TMTC1: variants seen among roughly 807,000 people sequenced by gnomAD.
TMTC1 encodes transmembrane O-mannosyltransferase targeting cadherins 1, also known as protein O-mannosyl-transferase TMTC1.
A neutral mutation model predicts 104.8 loss-of-function variants in TMTC1; 73 were observed. The ratio of observed to expected loss-of-function variants is 0.70; its 90% CI spans 0.58 to 0.85. TMTC1 has a LOEUF of 0.85. Ranked by LOEUF, TMTC1 falls within the 40% of genes least tolerant of loss-of-function variation. The probability of loss-of-function intolerance (pLI) is 0.00; values close to 1 mark genes in which losing one functional copy is unlikely to be tolerated. For missense variants in TMTC1, 1,035 were observed against 1,096.1 expected, an observed-to-expected ratio of 0.94 and a Z score of 0.79; for synonymous variants, 434 against 428.7, an observed-to-expected ratio of 1.01 and a Z score of -0.15.
At chr12:29,678,939 A>C (rs972963850) in intron 5 of TMTC1, among the ~76,000 whole-genome samples, 1 of 152,184 alleles carries the variant, frequency 6.6e-6, no homozygotes, top group Non-Finnish European at 1.5e-5. Flanking sequence ...CATACATCAA[A>C]ACCTAAAACA....
At chr12:29,509,531 G>A (rs1277416649) in intron 17 of TMTC1, among the ~76,000 whole-genome samples, 1 of 152,152 alleles carries the variant, frequency 6.6e-6, no homozygotes, top group African/African-American at 2.4e-5. Flanking sequence ...CACATGACCT[G>A]GCAATGGAAA....
intron 5 of TMTC1, among the ~76,000 whole-genome samples, chr12:29,730,092 G>T (rs1255866574): frequency 6.6e-6 from 1 of 152,128 alleles, no homozygotes; most frequent in African/African-American, 2.4e-5. Flanking sequence ...TTGCAGAAGG[G>T]TGCAGTTGAA....
intron 10 of TMTC1, among the ~76,000 whole-genome samples, chr12:29,536,825 A>G (rs1348098110): frequency 6.6e-6 from 1 of 152,224 alleles, no homozygotes. Context: ...AAAATATTCC[A>G]TAAATAATTT....
Position 29,633,204 on chromosome 12 carries a change from G to C in TMTC1, c.1071C>G (p.Thr357=), listed in dbSNP as rs781475720. 11 of 1,614,036 alleles carry C rather than the reference G, an allele frequency of 6.8e-6. No individual in the cohort carries two copies. The East Asian group carries it at 2.0e-4, about 29-fold the overall frequency. The change falls in exon 6 of 18, where the codon ACC becomes ACG. Residue 357 remains threonine (T), a synonymous_variant. Coordinates refer to ENST00000539277, the MANE Select transcript of TMTC1 (RefSeq NM_001193451.2). The stretch of plus-strand genomic sequence containing the variant: ...AGGCCATCACAACCGCCAGAAAGAT[G>C]GTGGCTAAGTTCCGCATGTCCCATA... ...ETIWDMRNLA[T]IFLAVVMALL...
At chr12:29,509,235 C>A (rs1027612146) in intron 17 of TMTC1, among the ~76,000 whole-genome samples, 1 of 152,164 alleles carries the variant, frequency 6.6e-6, no homozygotes, top group Admixed American at 6.5e-5. Context: ...TGTGCTATAG[C>A]CTGGTTGATG....
At position 29,742,230 on chromosome 12, in the gene TMTC1, T is replaced by C. The variant is rs1197186086; in HGVS notation, c.938+9436A>G. Among the ~76,000 whole-genome samples, 4 of 152,220 alleles carry C rather than the reference T, an allele frequency of 2.6e-5. No individual in the cohort carries two copies. In the East Asian group the frequency reaches 7.7e-4, roughly 29 times the overall value. On this transcript the variant is annotated intron_variant, in intron 5 of 17. Coordinates refer to ENST00000539277, the MANE Select transcript of TMTC1 (RefSeq NM_001193451.2). ...AAAGACACAAACATTATTCCTTCCATCCAACTCTGGCTGGCTGTTTGGGTT... is the reference window on the plus strand; with the variant it reads ...AAAGACACAAACATTATTCCTTCCACCCAACTCTGGCTGGCTGTTTGGGTT...
At chr12:29,758,884 A>T in intron 2 of TMTC1, 107 bp from the exon 3 acceptor site, 1 of 965,922 alleles carries the variant, frequency 1.0e-6, no homozygotes, top group Non-Finnish European at 1.5e-6. Flanking sequence ...AATGGAAGAT[A>T]TAATAAAATA....
At chr12:29,565,154 T>C (rs1036960446) in intron 9 of TMTC1, among the ~76,000 whole-genome samples, 7 of 152,144 alleles carry the variant, frequency 4.6e-5, no homozygotes, top group Admixed American at 2.0e-4. Flanking sequence ...AGGGAGGAGC[T>C]GCAGTTAGAA....
intron 15 of TMTC1, among the ~76,000 whole-genome samples, chr12:29,515,436 C>A (rs997030419): frequency 6.6e-6 from 1 of 152,192 alleles, no homozygotes; most frequent in Non-Finnish European, 1.5e-5. Flanking sequence ...CTACGGTGCT[C>A]CTGCTCCCTC....
chr12:29,780,850 A>T (rs1943819426), intron 1 of TMTC1, among the ~76,000 whole-genome samples: 1 of 152,248 alleles, frequency 6.6e-6, no homozygotes, highest in Admixed American at 6.5e-5. Flanking sequence ...ACATTAAAAA[A>T]GTTTTTAAAA....
At chr12:29,530,518 A>G (rs1944472834) in intron 11 of TMTC1, among the ~76,000 whole-genome samples, 1 of 152,194 alleles carries the variant, frequency 6.6e-6, no homozygotes, top group South Asian at 2.1e-4. Context: ...TCCACCTCAA[A>G]GTGCACATGG....
At chr12:29,604,098 C>T (rs1374816589) in intron 7 of TMTC1, 80 bp downstream of exon 7, 4 of 1,581,688 alleles carry the variant, frequency 2.5e-6, no homozygotes, top group Non-Finnish European at 3.5e-6. Flanking sequence ...GGTCTACACA[C>T]AGAAGACTGT....
chr12:29,678,691 G>A (rs1359936735), intron 5 of TMTC1, among the ~76,000 whole-genome samples: 1 of 152,036 alleles, frequency 6.6e-6, no homozygotes, highest in African/African-American at 2.4e-5. Context: ...ATGAGAAGTA[G>A]CATCAAAAAG....
At chr12:29,695,828 T>TATATATATATATATATAA (rs1243156784) in intron 5 of TMTC1, among the ~76,000 whole-genome samples, 1 of 106,146 alleles carries the variant, frequency 9.4e-6, no homozygotes, top group Admixed American at 8.8e-5. Flanking sequence ...TATATATATA[T>TATATATATATATATATAA]AACCTGTCTT....
intron 6 of TMTC1, 54 bp downstream of exon 6, chr12:29,633,093 G>T: frequency 6.7e-7 from 1 of 1,501,390 alleles, no homozygotes; most frequent in Non-Finnish European, 9.2e-7. Context: ...AACATTATAG[G>T]CATAGAATAT....
At chr12:29,590,457 G>GT (rs1946250425) in intron 7 of TMTC1, among the ~76,000 whole-genome samples, 1 of 152,132 alleles carries the variant, frequency 6.6e-6, no homozygotes, top group Non-Finnish European at 1.5e-5. Context: ...AAACAACTTT[G>GT]TATCAGCCCA....
intron 5 of TMTC1, among the ~76,000 whole-genome samples, chr12:29,671,810 T>C (rs1454459114): frequency 6.6e-6 from 1 of 151,946 alleles, no homozygotes; most frequent in African/African-American, 2.4e-5. Context: ...GAAATCAACA[T>C]GGGCTGGAAA....
intron 5 of TMTC1, among the ~76,000 whole-genome samples, chr12:29,706,800 A>C (rs1043047013): frequency 7.9e-5 from 12 of 152,042 alleles, no homozygotes; most frequent in Non-Finnish European, 1.6e-4. Context: ...GCATGCTGTA[A>C]TTTCTCTTTC....
At chr12:29,701,398 T>C (rs1941591104) in intron 5 of TMTC1, among the ~76,000 whole-genome samples, 1 of 152,166 alleles carries the variant, frequency 6.6e-6, no homozygotes. Context: ...GGTCCATTCC[T>C]GCAAGATGGA....
Sources: gnomAD v4.1 joint callset for allele counts (sites outside exome capture counted in the v4.1 genomes callset) on GRCh38, gnomAD v4.1.1 for gene constraint, MANE v1.5 for transcripts, NCBI Gene and HGNC (gene_info 2026-07-23, HGNC 2026-07-21) for gene names.